EXD3: variants seen among roughly 807,000 people sequenced by gnomAD.
EXD3 encodes the protein exonuclease mut-7 homolog.
Under a neutral mutation model 98.0 loss-of-function variants are expected in EXD3, and 92 were observed. That is an observed-to-expected ratio of 0.94 (90% CI 0.79 to 1.12). The LOEUF (loss-of-function observed/expected upper bound fraction) is 1.12, where lower values mean the gene tolerates loss of function less well. Among genes scored for constraint, EXD3 ranks in the 50% most tolerant of loss-of-function variants. The probability of loss-of-function intolerance (pLI) is 0.00; values close to 1 mark genes in which losing one functional copy is unlikely to be tolerated. For missense variants in EXD3, 1,222 were observed against 1,191.6 expected, an observed-to-expected ratio of 1.03 and a Z score of -0.38; for synonymous variants, 569 against 526.0, an observed-to-expected ratio of 1.08 and a Z score of -1.12.
chr9:137,421,779 G>A (rs1285055917), intron 1 of EXD3, among the ~76,000 whole-genome samples: 1 of 152,210 alleles, frequency 6.6e-6, no homozygotes, highest in African/African-American at 2.4e-5. Flanking sequence ...TCAAGGCTGC[G>A]ATGAGTGGGA....
At chr9:137,325,381 G>T (rs1320961399) in intron 17 of EXD3, among the ~76,000 whole-genome samples, 1 of 152,170 alleles carries the variant, frequency 6.6e-6, no homozygotes, top group Non-Finnish European at 1.5e-5. Flanking sequence ...AGGTGCGGAG[G>T]AGGACACGGG....
intron 5 of EXD3, among the ~76,000 whole-genome samples, chr9:137,372,236 C>T (rs1026751824): frequency 7.2e-5 from 11 of 152,204 alleles, no homozygotes; most frequent in East Asian, 1.9e-4. Context: ...GATACTGATC[C>T]GACGCATCTC....
chr9:137,364,920 T>C (rs1220800923), intron 7 of EXD3, among the ~76,000 whole-genome samples: 1 of 151,702 alleles, frequency 6.6e-6, no homozygotes, highest in African/African-American at 2.4e-5. Flanking sequence ...AGGCGCCTGC[T>C]ACCGTGACCA....
chr9:137,361,761 A>G (rs563542066), intron 7 of EXD3, among the ~76,000 whole-genome samples: 183 of 151,282 alleles, frequency 1.2e-3, no homozygotes, highest in South Asian at 2.1e-3. Flanking sequence ...AAAAAAAAAA[A>G]AAATTACCAG....
chr9:137,336,908 C>G (rs1402152842), intron 17 of EXD3, among the ~76,000 whole-genome samples: 1 of 151,814 alleles, frequency 6.6e-6, no homozygotes, highest in East Asian at 1.9e-4. Context: ...CAAATTCTAT[C>G]AATACTTAAC....
At chr9:137,314,003 G>C (rs914119454) in intron 19 of EXD3, among the ~76,000 whole-genome samples, 1 of 152,168 alleles carries the variant, frequency 6.6e-6, no homozygotes, top group Admixed American at 6.5e-5. Flanking sequence ...GTCCCAGGAT[G>C]GACATTGCAC....
chr9:137,383,525 C>T (rs1836430126), intron 2 of EXD3, 148 bp from the exon 3 acceptor site: 5 of 592,786 alleles, frequency 8.4e-6, no homozygotes, highest in Non-Finnish European at 1.5e-5. Context: ...CTCTGTCTGG[C>T]ACACACACAA....
chr9:137,343,965 C>T (rs1484952418), intron 17 of EXD3, among the ~76,000 whole-genome samples: 3 of 137,922 alleles, frequency 2.2e-5, no homozygotes, highest in Non-Finnish European at 4.6e-5. Context: ...GATCTCGGCT[C>T]ACTGCAATCT....
chr9:137,356,160 CTTGG>C, intron 8 of EXD3, 104 bp downstream of exon 8: 1 of 820,288 alleles, frequency 1.2e-6, no homozygotes, highest in East Asian at 2.7e-5. Context: ...GAAGGTTGGT[CTTGG>C]TTGGCACCTG....
chr9:137,355,450 T>TGGAGAAAGGAGGAAGGAGGAAGGAGAAAG (rs1834598721), intron 8 of EXD3, among the ~76,000 whole-genome samples: 3 of 9,540 alleles, frequency 3.1e-4, no homozygotes, highest in Admixed American at 1.5e-3. Flanking sequence ...GAAGGGAGGA[T>TGGAGAAAGGAGGAAGGAGGAAGGAGAAAG]GGAGGAAGGA....
Position 137,349,266 on chromosome 9 carries a change from G to A in EXD3, c.1674C>T (p.Cys558=). 3 of 1,568,550 alleles carry A rather than the reference G, an allele frequency of 1.9e-6. No individual in the cohort carries two copies. The highest frequency in any genetic ancestry group is 2.6e-6 in the Non-Finnish European group (3 of 1,163,896). Residue 558 remains cysteine (C), a synonymous_variant, in exon 16 of 22, where the codon TGC becomes TGT. Transcript: ENST00000340951. This position sits in a 1 kb window ranked among gnomAD's most constrained non-coding sequence, Gnocchi z 7.4. The part of the protein sequence containing the change: ...QVIYAAADAY[C]LLEVHQALCR... ...ACAGGGCTTGGTGCACCTCCAGCAGGCAGTAGGCGTCGGCAGCTGTGTGGG... is the reference window on the plus strand; with the variant it reads ...ACAGGGCTTGGTGCACCTCCAGCAGACAGTAGGCGTCGGCAGCTGTGTGGG...
chr9:137,353,638 ACCTACAGG>A (rs1317909223), intron 10 of EXD3: 1 of 985,770 alleles, frequency 1.0e-6, no homozygotes, highest in African/African-American at 1.7e-5. Context: ...GAGCAGAGGC[ACCTACAGG>A]CCTGCGGGAC....
At chr9:137,331,864 C>T (rs1053808142) in intron 17 of EXD3, among the ~76,000 whole-genome samples, 14 of 152,006 alleles carry the variant, frequency 9.2e-5, no homozygotes, top group South Asian at 2.1e-4. Context: ...TGCAGTGAGC[C>T]GAGAGGGCGC....
chr9:137,319,668 A>G (rs28412081), intron 19 of EXD3, among the ~76,000 whole-genome samples: 122,789 of 152,222 alleles, frequency 0.81, 50,083 homozygotes, highest in East Asian at 1. Flanking sequence ...GGGTGCGCAC[A>G]TGGGACCCTG....
In EXD3 at chr9:137,352,460, C is replaced by T. The variant is rs7038618; in HGVS notation, c.1037+160G>A. On this transcript the variant is annotated intron_variant, in intron 11 of 21. Coordinates refer to ENST00000340951, the MANE Select transcript of EXD3 (RefSeq NM_017820.5). ...GGCAGCAGAGGAGGAGGGCTGGGCC[C>T]TGCTGTCTTGTCTGCTCTGTGTATA... 8.2e-3 allele frequency among the ~76,000 whole-genome samples: 1,253 copies of T among 152,302 alleles called. 17 individuals carry two copies. The highest frequency in any genetic ancestry group is 0.028 in the African/African-American group (1,176 of 41,564).
At chr9:137,388,210 C>G (rs539293961) in intron 2 of EXD3, among the ~76,000 whole-genome samples, 3 of 152,158 alleles carry the variant, frequency 2.0e-5, no homozygotes, top group South Asian at 2.1e-4. Flanking sequence ...GGCTTCCCCC[C>G]CAGCCACCCT....
chr9:137,330,337 C>G (rs1019965320), intron 17 of EXD3, among the ~76,000 whole-genome samples: 8 of 134,866 alleles, frequency 5.9e-5, no homozygotes, highest in Non-Finnish European at 9.2e-5. Context: ...CGGGACTACA[C>G]AGGACTACAC....
In EXD3 at chr9:137,380,678, C is replaced by G. The variant is rs192003495; in HGVS notation, c.120+2635G>C. Among the ~76,000 whole-genome samples, 388 of 59,466 alleles carry G rather than the reference C, an allele frequency of 6.5e-3. 9 individuals are homozygous for G. The highest frequency in any genetic ancestry group is 0.028 in the African/African-American group (356 of 12,534). The allele number at this position is 59,466 out of a possible 152,430, so 39.0% of individuals were successfully genotyped here. ...CCCAACCCCCCTCTGGGCATCCCCCCCAATCCCCCCGCCGGTATCCCCCTT... is the reference window on the plus strand; with the variant it reads ...CCCAACCCCCCTCTGGGCATCCCCCGCAATCCCCCCGCCGGTATCCCCCTT... On this transcript the variant is annotated intron_variant, in intron 3 of 21. Coordinates refer to ENST00000340951, the MANE Select transcript of EXD3 (RefSeq NM_017820.5).
At chr9:137,369,916 G>A (rs1339542487) in intron 5 of EXD3, among the ~76,000 whole-genome samples, 2 of 152,236 alleles carry the variant, frequency 1.3e-5, no homozygotes, top group Admixed American at 6.5e-5. Context: ...GGCACCCGGG[G>A]CCTCTTGAGG....
Sources: allele counts gnomAD v4.1 joint callset (sites outside exome capture counted in the v4.1 genomes callset), GRCh38; gene constraint gnomAD v4.1.1; non-coding constraint Gnocchi (gnomAD v3.1); transcripts MANE v1.5; gene names NCBI Gene and HGNC (gene_info 2026-07-23, HGNC 2026-07-21).